TNR: variants seen among roughly 807,000 people sequenced by gnomAD.
The protein encoded by TNR is tenascin-R.
In TNR, 45 loss-of-function variants were observed where a neutral mutation model predicts 150.4. That is an observed-to-expected ratio of 0.30 (90% confidence interval 0.24 to 0.38). The LOEUF is 0.38. Among genes scored for constraint, TNR ranks in the 10% least tolerant of loss-of-function variants. The probability of loss-of-function intolerance (pLI) is 1.00; values close to 1 mark genes in which losing one functional copy is unlikely to be tolerated. For synonymous variants in TNR, 687 were observed against 678.4 expected, an observed-to-expected ratio of 1.01 and a Z score of -0.20; for missense variants, 1,544 against 1,759.1, an observed-to-expected ratio of 0.88 and a Z score of 2.19.
At chr1:175,719,994 A>G (rs1667257250) in intron 1 of TNR, among the ~76,000 whole-genome samples, 1 of 152,166 alleles carries the variant, frequency 6.6e-6, no homozygotes, top group Non-Finnish European at 1.5e-5. Flanking sequence ...AGCCCTGCTG[A>G]GCAACACGTT....
intron 2 of TNR, among the ~76,000 whole-genome samples, chr1:175,499,456 A>T (rs1258882613): frequency 6.6e-6 from 1 of 151,824 alleles, no homozygotes; most frequent in Non-Finnish European, 1.5e-5. Context: ...TTTGTTTCCC[A>T]CGTACCTCTG....
chr1:175,555,422 C>A (rs536243284), intron 1 of TNR, among the ~76,000 whole-genome samples: 2 of 151,892 alleles, frequency 1.3e-5, no homozygotes, highest in East Asian at 3.9e-4. Flanking sequence ...AGCTCCTGGG[C>A]TGCCCCTCTA....
intron 1 of TNR, among the ~76,000 whole-genome samples, chr1:175,703,263 C>G (rs1264997220): frequency 6.6e-6 from 1 of 152,184 alleles, no homozygotes; most frequent in East Asian, 1.9e-4. Flanking sequence ...CATTATAGAT[C>G]AATTTACTGT....
intron 1 of TNR, among the ~76,000 whole-genome samples, chr1:175,596,928 G>A (rs74127350): frequency 4.7e-4 from 71 of 152,246 alleles, no homozygotes; most frequent in African/African-American, 1.6e-3. Context: ...TCACCTCTGA[G>A]CTGATTATAA....
In TNR at chr1:175,645,133, T is replaced by C. The variant is rs930465949; in HGVS notation, c.-165+98093A>G. Among the ~76,000 whole-genome samples, 13 of 152,276 alleles carry C rather than the reference T, an allele frequency of 8.5e-5. 1 individual carries two copies. In the East Asian group the frequency reaches 2.5e-3, roughly 29 times the overall value. ...ATTAAAGAGATACAAATGAAGTAAT[T>C]TGAAAACAATAATAAAATGACACAT... On this transcript the variant is annotated intron_variant, in intron 1 of 22. Coordinates refer to ENST00000367674, the MANE Select transcript of TNR (RefSeq NM_003285.3).
chr1:175,676,458 G>C (rs147122558), intron 1 of TNR, among the ~76,000 whole-genome samples: 62 of 152,232 alleles, frequency 4.1e-4, no homozygotes, highest in Non-Finnish European at 4.0e-4. Context: ...GGTGAGTGTT[G>C]AGACCAGCAA....
chr1:175,409,615 C>A (rs1309028171), intron 2 of TNR, among the ~76,000 whole-genome samples: 1 of 152,032 alleles, frequency 6.6e-6, no homozygotes, highest in Non-Finnish European at 1.5e-5. Flanking sequence ...AAAAGATAGA[C>A]AAGGGTCTAT....
intron 4 of TNR, among the ~76,000 whole-genome samples, 164 bp downstream of exon 4, chr1:175,402,976 C>A (rs1006147029): frequency 6.6e-5 from 10 of 152,198 alleles, no homozygotes; most frequent in Non-Finnish European, 1.2e-4. Context: ...CATCAAGACT[C>A]AAGAACTCAG....
chr1:175,396,439 T>C (rs986337909), intron 5 of TNR, 105 bp downstream of exon 5: 8 of 1,406,086 alleles, frequency 5.7e-6, no homozygotes, highest in Non-Finnish European at 7.8e-6. Context: ...CAATAACTAT[T>C]CCAGGCATCC....
At position 175,356,384 on chromosome 1, in the gene TNR, G is replaced by A. The variant is rs1307842286; in HGVS notation, c.3053C>T (p.Thr1018Ile). ...TCCATTGGTGGCATACATGGTGGCA[G>A]TATAGTGGGTGCTAGGAAGCAGGTC... The part of the protein sequence containing the change: ...LVDLLPSTHY[T>I]ATMYATNGPL... Residue 1018 changes from threonine to isoleucine, a missense_variant, in exon 16 of 23, where the codon ACT (threonine) becomes ATT (isoleucine). Thr to Ile is a moderately conservative substitution (Grantham distance 89). Around this residue, in one of 2 missense-constraint regions of TNR, gnomAD observed 1,254 missense variants for 1,329.4 expected, o/e 0.94. Coordinates refer to ENST00000367674, the MANE Select transcript of TNR (RefSeq NM_003285.3). 6 of 1,614,044 alleles carry A rather than the reference G, an allele frequency of 3.7e-6. No individual in the cohort carries two copies. Among genetic ancestry groups the A allele is most frequent in the Non-Finnish European group, 4.2e-6 (5 of 1,179,950 alleles).
chr1:175,696,820 A>G (rs10737313), intron 1 of TNR, among the ~76,000 whole-genome samples: 99,050 of 150,604 alleles, frequency 0.66, 33,338 homozygotes, highest in East Asian at 0.96. Context: ...TGGAGGTTAC[A>G]GTGGGCCGAG....
At chr1:175,691,302 T>G (rs942449064) in intron 1 of TNR, among the ~76,000 whole-genome samples, 2 of 151,766 alleles carry the variant, frequency 1.3e-5, no homozygotes, top group Non-Finnish European at 2.9e-5. Flanking sequence ...GTAATATTAA[T>G]GATGATGATA....
chr1:175,472,453 C>T (rs139858567), intron 2 of TNR, among the ~76,000 whole-genome samples: 59 of 152,264 alleles, frequency 3.9e-4, no homozygotes, highest in African/African-American at 1.3e-3. Flanking sequence ...TTATCAGTTA[C>T]ATATTGTACA....
intron 1 of TNR, among the ~76,000 whole-genome samples, chr1:175,672,109 G>C (rs1218250827): frequency 6.6e-6 from 1 of 152,164 alleles, no homozygotes; most frequent in African/African-American, 2.4e-5. Context: ...CTTTGAACAA[G>C]TTACTTATCT....
intron 1 of TNR, among the ~76,000 whole-genome samples, chr1:175,589,903 G>A (rs1650386830): frequency 6.6e-6 from 1 of 152,226 alleles, no homozygotes; most frequent in South Asian, 2.1e-4. Context: ...TGTAGATGAC[G>A]GATTAATGGG....
At chr1:175,561,392 T>C (rs1009394625) in intron 1 of TNR, among the ~76,000 whole-genome samples, 2 of 152,228 alleles carry the variant, frequency 1.3e-5, no homozygotes, top group South Asian at 4.1e-4. Flanking sequence ...TCATCATACA[T>C]AGATCGCCTT....
In TNR at chr1:175,682,946, A is replaced by G. The variant is rs191494004; in HGVS notation, c.-165+60280T>C. On this transcript the variant is annotated intron_variant, in intron 1 of 22. Transcript: ENST00000367674. ...TGTGTAGCTAGAGCCAGGAAAGTCC[A>G]CAAAATAGTGGGGCCGCCATTTCTT... Among the ~76,000 whole-genome samples the G allele has an allele frequency of 1.7e-3, 254 of 152,326 alleles. 1 individual carries two copies. The highest frequency in any genetic ancestry group is 5.7e-3 in the African/African-American group (239 of 41,568).
chr1:175,457,720 G>A (rs1208196392), intron 2 of TNR, among the ~76,000 whole-genome samples: 3 of 152,238 alleles, frequency 2.0e-5, no homozygotes, highest in South Asian at 4.1e-4. Context: ...AGATATGCAT[G>A]TATGTGTGTA....
intron 1 of TNR, among the ~76,000 whole-genome samples, chr1:175,633,070 C>G (rs1368539400): frequency 1.3e-5 from 2 of 152,188 alleles, no homozygotes; most frequent in Admixed American, 1.3e-4. Context: ...ACCCCCTCTT[C>G]CCTGCTTTAC....
Sources: gnomAD v4.1 joint callset for allele counts (sites outside exome capture counted in the v4.1 genomes callset) on GRCh38, gnomAD v4.1.1 for gene constraint, gnomAD v4.1.1 regional missense constraint, MANE v1.5 for transcripts, NCBI Gene and HGNC (gene_info 2026-07-23, HGNC 2026-07-21) for gene names.